The following ERBB4 variants were observed in gnomAD, a reference collection of about 807,000 sequenced individuals.
The protein encoded by ERBB4 is erb-b2 receptor tyrosine kinase 4, also known as receptor tyrosine-protein kinase erbB-4.
Under a neutral mutation model 158.0 loss-of-function variants are expected in ERBB4, and 42 were observed. The ratio of observed to expected loss-of-function variants is 0.27; its 90% CI spans 0.21 to 0.34. The LOEUF (loss-of-function observed/expected upper bound fraction) is 0.34, where lower values mean the gene tolerates loss of function less well. Ranked by LOEUF, ERBB4 falls within the 10% of genes least tolerant of loss-of-function variation. ERBB4 has a pLI of 1.00. For missense variants in ERBB4, 1,333 were observed against 1,624.1 expected, an observed-to-expected ratio of 0.82 and a Z score of 3.08; for synonymous variants, 583 against 558.7, an observed-to-expected ratio of 1.04 and a Z score of -0.61.
intron 2 of ERBB4, among the ~76,000 whole-genome samples, chr2:211,996,553 A>C (rs896327816): frequency 6.6e-6 from 1 of 152,204 alleles, no homozygotes; most frequent in South Asian, 2.1e-4. Context: ...TTAAAATCTC[A>C]TTAAGGTTTT....
chr2:212,536,834 T>C (rs1051011380), intron 1 of ERBB4, among the ~76,000 whole-genome samples: 2 of 152,130 alleles, frequency 1.3e-5, no homozygotes, highest in Non-Finnish European at 2.9e-5. Flanking sequence ...TAAGCCTGCA[T>C]GTCGGTCGCC....
chr2:211,932,316 T>G (rs1462586650), intron 3 of ERBB4, among the ~76,000 whole-genome samples: 3 of 152,026 alleles, frequency 2.0e-5, no homozygotes, highest in Admixed American at 2.0e-4. Flanking sequence ...TCTTAGAGTG[T>G]TTTTTGGATA....
At chr2:212,207,006 A>AAC (rs1393721340) in intron 1 of ERBB4, among the ~76,000 whole-genome samples, 1 of 152,060 alleles carries the variant, frequency 6.6e-6, no homozygotes, top group Non-Finnish European at 1.5e-5. Flanking sequence ...TCAAAAAAAA[A>AAC]AAAAAACTTT....
intron 16 of ERBB4, among the ~76,000 whole-genome samples, chr2:211,641,933 A>AT (rs11313279): frequency 9.8e-4 from 147 of 150,248 alleles, no homozygotes; most frequent in Middle Eastern, 3.2e-3. Flanking sequence ...ATCATTTCTA[A>AT]TTTTTTTTTT....
chr2:211,603,097 G>A (rs1294953986), intron 19 of ERBB4, among the ~76,000 whole-genome samples: 1 of 152,108 alleles, frequency 6.6e-6, no homozygotes, highest in Non-Finnish European at 1.5e-5. Context: ...TGGGCATAGT[G>A]GCACACACCT....
intron 16 of ERBB4, among the ~76,000 whole-genome samples, chr2:211,651,663 T>C (rs539173766): frequency 7.2e-6 from 1 of 138,340 alleles, no homozygotes; most frequent in Admixed American, 8.2e-5. Context: ...AAGACGGATC[T>C]GAAACACTGT....
chr2:212,401,705 TG>T (rs1453448245), intron 1 of ERBB4, among the ~76,000 whole-genome samples: 2 of 152,126 alleles, frequency 1.3e-5, no homozygotes, highest in Non-Finnish European at 2.9e-5. Flanking sequence ...TTTTTGTACA[TG>T]GATTGCGTTA....
chr2:211,845,744 T>G (rs2077572793), intron 3 of ERBB4, among the ~76,000 whole-genome samples: 1 of 152,190 alleles, frequency 6.6e-6, no homozygotes, highest in South Asian at 2.1e-4. Context: ...TGTTTAAAAG[T>G]TGAATGTTGT....
intron 5 of ERBB4, among the ~76,000 whole-genome samples, chr2:211,747,389 C>T (rs1439882964): frequency 6.6e-6 from 1 of 152,018 alleles, no homozygotes; most frequent in Non-Finnish European, 1.5e-5. Context: ...TATCAAATGT[C>T]TCCTGTGGGG....
At chr2:212,429,101 C>A (rs908695202) in intron 1 of ERBB4, 20 of 152,260 alleles carry the variant, frequency 1.3e-4, no homozygotes, top group African/African-American at 4.8e-4. Flanking sequence ...GCATTAGCCC[C>A]AGGCCCAGCA....
chr2:212,003,198 AAAG>A (rs2076167522), intron 2 of ERBB4, among the ~76,000 whole-genome samples: 1 of 58,688 alleles, frequency 1.7e-5, no homozygotes, highest in Non-Finnish European at 4.4e-5. Flanking sequence ...AGAAAGAAAG[AAAG>A]AAAGACAGAA....
At chr2:212,231,756 T>C (rs539155017) in intron 1 of ERBB4, among the ~76,000 whole-genome samples, 1 of 152,236 alleles carries the variant, frequency 6.6e-6, no homozygotes, top group Non-Finnish European at 1.5e-5. Flanking sequence ...GTAACACAAC[T>C]AATACCAATA....
At chr2:211,949,579 A>G (rs1002096120) in intron 2 of ERBB4, among the ~76,000 whole-genome samples, 1 of 152,202 alleles carries the variant, frequency 6.6e-6, no homozygotes, top group Non-Finnish European at 1.5e-5. Flanking sequence ...AACATTTTCA[A>G]TTACATTTTA....
intron 2 of ERBB4, among the ~76,000 whole-genome samples, chr2:212,033,711 G>A (rs971274582): frequency 3.3e-5 from 5 of 151,772 alleles, no homozygotes; most frequent in African/African-American, 9.7e-5. Context: ...GCCATTTTAG[G>A]TATTAGTTAA....
intron 20 of ERBB4, among the ~76,000 whole-genome samples, chr2:211,482,600 C>T (rs191282023): frequency 4.5e-4 from 69 of 151,962 alleles, no homozygotes; most frequent in Non-Finnish European, 5.9e-4. Context: ...AAAGCAATAC[C>T]GAGGATAAAA....
chr2:212,100,550 T>C (rs750860068), intron 2 of ERBB4, among the ~76,000 whole-genome samples: 22 of 152,184 alleles, frequency 1.4e-4, no homozygotes, highest in African/African-American at 4.1e-4. Context: ...TACAGTAAAT[T>C]GGTTTCACAA....
At chr2:211,555,714 A>G (rs1260737523) in intron 20 of ERBB4, among the ~76,000 whole-genome samples, 1 of 152,228 alleles carries the variant, frequency 6.6e-6, no homozygotes, top group East Asian at 1.9e-4. Flanking sequence ...TTTCATATCC[A>G]GGGAAACTAA....
At chr2:212,441,331 C>T (rs1004929736) in intron 1 of ERBB4, among the ~76,000 whole-genome samples, 1 of 152,186 alleles carries the variant, frequency 6.6e-6, no homozygotes, top group South Asian at 2.1e-4. Context: ...TGATAGCCTT[C>T]CTGCTCTGCG....
chr2:211,818,318 A>G (rs754181589), intron 3 of ERBB4, among the ~76,000 whole-genome samples: 4 of 152,194 alleles, frequency 2.6e-5, no homozygotes, highest in African/African-American at 4.8e-5. Context: ...CATTGCTGAT[A>G]TAACAAACAC....
Sources: allele counts gnomAD v4.1 joint callset (sites outside exome capture counted in the v4.1 genomes callset), GRCh38; gene constraint gnomAD v4.1.1; transcripts MANE v1.5; gene names NCBI Gene and HGNC (gene_info 2026-07-23, HGNC 2026-07-21).